Variants in BRWD1 observed in about 807,000 individuals in gnomAD.
BRWD1 encodes the protein bromodomain and WD repeat-containing protein 1.
A neutral mutation model predicts 251.2 loss-of-function variants in BRWD1; 82 were observed. That is an observed-to-expected ratio of 0.33 (90% CI 0.27 to 0.39). BRWD1 has a LOEUF of 0.39. Among genes scored for constraint, BRWD1 ranks in the 10% least tolerant of loss-of-function variants. The probability of loss-of-function intolerance (pLI) is 1.00; values close to 1 mark genes in which losing one functional copy is unlikely to be tolerated. For missense variants in BRWD1, 2,233 were observed against 2,711.6 expected, an observed-to-expected ratio of 0.82 and a Z score of 3.92; for synonymous variants, 918 against 902.8, an observed-to-expected ratio of 1.02 and a Z score of -0.30.
At chr21:39,304,445 GA>G (rs1220020756) in intron 4 of BRWD1, among the ~76,000 whole-genome samples, 2 of 151,150 alleles carry the variant, frequency 1.3e-5, no homozygotes, top group African/African-American at 4.9e-5. Context: ...ACAGTCTCTA[GA>G]AAAAAAAATT....
chr21:39,204,417 T>TAA (rs1385374228), intron 37 of BRWD1, among the ~76,000 whole-genome samples: 2 of 151,966 alleles, frequency 1.3e-5, no homozygotes, highest in Non-Finnish European at 2.9e-5. Flanking sequence ...TGTAACAACA[T>TAA]AAAGTACCTA....
intron 22 of BRWD1, 82 bp downstream of exon 22, chr21:39,238,397 C>T (rs1387577851): frequency 7.0e-6 from 8 of 1,139,512 alleles, no homozygotes; most frequent in Non-Finnish European, 1.0e-5. Flanking sequence ...CAAATTCTTG[C>T]CTCTTGAATA....
intron 29 of BRWD1, among the ~76,000 whole-genome samples, chr21:39,223,540 C>T (rs963850273): frequency 2.6e-5 from 4 of 152,032 alleles, no homozygotes; most frequent in Non-Finnish European, 5.9e-5. Flanking sequence ...TTCATGAAGT[C>T]AAATGTAAGG....
At position 39,276,951 on chromosome 21, in the gene BRWD1, A is replaced by G. The variant is rs540284969; in HGVS notation, c.1104+300T>C. On this transcript the variant is annotated intron_variant, in intron 11 of 40. Coordinates refer to ENST00000342449, the MANE Select transcript of BRWD1 (RefSeq NM_033656.4). ...AATTAGAATAGAATTAACAAAAACT[A>G]TATTGTACCTAGACATTTTCATTTT... Among the ~76,000 whole-genome samples, 465 of 152,350 alleles carry G rather than the reference A, an allele frequency of 3.1e-3. 1 individual carries two copies. Among genetic ancestry groups the G allele is most frequent in the Non-Finnish European group, 4.9e-3 (330 of 68,026 alleles).
rs754160108 is a variant in BRWD1 at position 39,192,003 on chromosome 21, T to C, written c.*4256A>G. On this transcript the variant is annotated 3_prime_UTR_variant, in exon 41 of 41. Transcript: ENST00000342449. ...GCCAAAGATAGAGCCTGCAGATTGG[T>C]AGAATCCAAATGATGTGACTCTCCC... The C allele has an allele frequency of 1.6e-4, 157 of 985,028 alleles. No individual in the cohort carries two copies. The highest frequency in any genetic ancestry group is 1.8e-4 in the Non-Finnish European group (153 of 829,728). The allele number at this position is 985,028 out of a possible 1,614,324, so 61.0% of individuals were successfully genotyped here. A position where few individuals can be genotyped will look rare whatever the true frequency, so the allele number is the denominator to read the frequency against.
chr21:39,198,684 G>A (rs750047893), intron 40 of BRWD1, 79 bp downstream of exon 40: 59 of 1,301,048 alleles, frequency 4.5e-5, no homozygotes, highest in Admixed American at 8.3e-5. Context: ...AAACTTTTTC[G>A]GGGGGAAAAA....
chr21:39,302,238 C>G (rs1220367072), intron 4 of BRWD1, among the ~76,000 whole-genome samples: 1 of 152,030 alleles, frequency 6.6e-6, no homozygotes, highest in African/African-American at 2.4e-5. Context: ...CCCGCCTCAG[C>G]CTCCCAAAGT....
rs543468959 is a variant in BRWD1, at chr21:39,225,261, C to T, written c.3209-64G>A. 1.5e-5 allele frequency: 17 copies of T among 1,150,242 alleles called. No homozygotes were observed. The African/African-American group carries it at 2.3e-4, about 16-fold the overall frequency. 71.3% of individuals were successfully genotyped at this position (1,150,242 alleles called of 1,614,324 possible). On this transcript the variant is annotated intron_variant, in intron 27 of 40. Coordinates refer to ENST00000342449, the MANE Select transcript of BRWD1 (RefSeq NM_033656.4). The stretch of plus-strand genomic sequence containing the variant: ...TAACATTCATTAACATTTTTTTAAT[C>T]TACAAAATACCATATGATACAGATA...
chr21:39,217,030 TA>T lies in BRWD1; in HGVS notation c.3659+1121del, dbSNP rs2032938855. On this transcript the variant is annotated intron_variant, in intron 31 of 40. Coordinates refer to ENST00000342449, the MANE Select transcript of BRWD1 (RefSeq NM_033656.4). ...CCACAAATATATATATATATATATA[TA>T]TATAAATATATATATATATTTATAT... 5.0e-4 allele frequency: 10 copies of T among 19,976 alleles called. 1 individual carries two copies. Among genetic ancestry groups the T allele is most frequent in the African/African-American group, 1.1e-3 (6 of 5,592 alleles). The allele number at this position is 19,976 out of a possible 1,614,324, so 1.2% of individuals were successfully genotyped here. A position where few individuals can be genotyped will look rare whatever the true frequency, so the allele number is the denominator to read the frequency against.
At chr21:39,239,189 G>A (rs913801431) in intron 21 of BRWD1, among the ~76,000 whole-genome samples, 1 of 151,992 alleles carries the variant, frequency 6.6e-6, no homozygotes, top group African/African-American at 2.4e-5. Flanking sequence ...TTTCAGTGTA[G>A]TCCAAATTTT....
chr21:39,246,313 G>C (rs77852928), intron 21 of BRWD1, among the ~76,000 whole-genome samples: 15,498 of 152,188 alleles, frequency 0.1, 922 homozygotes, highest in East Asian at 0.14. Flanking sequence ...GAAACCAAGA[G>C]ATACCACTTC....
At chr21:39,282,107 TATAAA>T (rs1300100099) in intron 8 of BRWD1, among the ~76,000 whole-genome samples, 1 of 151,564 alleles carries the variant, frequency 6.6e-6, no homozygotes, top group African/African-American at 2.4e-5. Context: ...TAAACATATA[TATAAA>T]ATAAAATAAA....
chr21:39,300,103 T>A (rs1308179646), intron 4 of BRWD1, among the ~76,000 whole-genome samples: 2 of 152,164 alleles, frequency 1.3e-5, no homozygotes, highest in Middle Eastern at 3.2e-3. Context: ...ACAAACTTAA[T>A]GGCTACTTGT....
chr21:39,281,923 TATAC>T (rs202052190), intron 8 of BRWD1, among the ~76,000 whole-genome samples: 35 of 74,070 alleles, frequency 4.7e-4, no homozygotes, highest in African/African-American at 9.9e-4. Context: ...TATATATACG[TATAC>T]ATACATATAC....
At position 39,192,749 on chromosome 21, in the gene BRWD1, A is replaced by G. The variant is rs2031616975; in HGVS notation, c.*3510T>C. On this transcript the variant is annotated 3_prime_UTR_variant, in exon 41 of 41. Transcript: ENST00000342449. ...TCAAAAAATTGATACAATGGAGTGG[A>G]AAGGAAAACAAAAAAGATCGTAAGC... 1 of 985,034 alleles carries G rather than the reference A, an allele frequency of 1.0e-6. No individual in the cohort carries two copies. The highest frequency in any genetic ancestry group is 1.7e-5 in the African/African-American group (1 of 57,220). The allele number at this position is 985,034 out of a possible 1,614,324, so 61.0% of individuals were successfully genotyped here.
rs183569502 is a variant in BRWD1 at position 39,193,519 on chromosome 21, A to T, written c.*2740T>A. ...TTGGTAAAGTGAGTCTTTCCAAGAAAGCAAAAATCAAATCTGAGTACTTCA... is the reference window on the plus strand; with the variant it reads ...TTGGTAAAGTGAGTCTTTCCAAGAATGCAAAAATCAAATCTGAGTACTTCA... On this transcript the variant is annotated 3_prime_UTR_variant, in exon 41 of 41. Coordinates refer to ENST00000342449, the MANE Select transcript of BRWD1 (RefSeq NM_033656.4). 1.0e-6 allele frequency: 1 copy of T among 985,474 alleles called. No homozygotes were observed. The highest frequency in any genetic ancestry group is 1.1e-4 in the East Asian group (1 of 8,818). The allele number at this position is 985,474 out of a possible 1,614,324, so 61.0% of individuals were successfully genotyped here.
In BRWD1 at chr21:39,270,276, T is replaced by G; in HGVS notation, c.1395+7A>C. The stretch of plus-strand genomic sequence containing the variant: ...TCATTTGTTACACTGTACCAGAAAT[T>G]ACCTACCATTAAGTTATGAAGCAGT... On this transcript the variant is annotated splice_region_variant and intron_variant, in intron 14 of 40. Transcript: ENST00000342449. 1 of 1,553,046 alleles carries G rather than the reference T, an allele frequency of 6.4e-7. No individual in the cohort carries two copies. The highest frequency in any genetic ancestry group is 8.7e-7 in the Non-Finnish European group (1 of 1,152,758).
chr21:39,218,030 G>T, intron 31 of BRWD1, 122 bp downstream of exon 31: 1 of 1,089,064 alleles, frequency 9.2e-7, no homozygotes, highest in Non-Finnish European at 1.2e-6. Flanking sequence ...CAATGAAAGA[G>T]AATAATGAAA....
At chr21:39,225,040 C>A (rs764497425) in intron 28 of BRWD1, 46 bp downstream of exon 28, 1 of 1,299,914 alleles carries the variant, frequency 7.7e-7, no homozygotes, top group Non-Finnish European at 1.1e-6. Flanking sequence ...AGCAACCTGC[C>A]ACACTGAATT....
Sources: allele counts gnomAD v4.1 joint callset (sites outside exome capture counted in the v4.1 genomes callset), GRCh38; gene constraint gnomAD v4.1.1; transcripts MANE v1.5; gene names NCBI Gene and HGNC (gene_info 2026-07-23, HGNC 2026-07-21).